FHAD1: variants seen among roughly 807,000 people sequenced by gnomAD.
The protein encoded by FHAD1 is forkhead associated phosphopeptide binding domain 1, also known as forkhead-associated domain-containing protein 1.
FHAD1 carries 146 observed loss-of-function variants against 191.3 expected under a neutral mutation model. The observed-to-expected ratio is 0.76, with a 90% confidence interval of 0.67 to 0.88. FHAD1 has a LOEUF of 0.88. Among genes scored for constraint, FHAD1 ranks in the 40% least tolerant of loss-of-function variants. The probability of loss-of-function intolerance (pLI) is 0.00; values close to 1 mark genes in which losing one functional copy is unlikely to be tolerated. For missense variants in FHAD1, 1,635 were observed against 1,785.8 expected, an observed-to-expected ratio of 0.92 and a Z score of 1.52; for synonymous variants, 616 against 672.3, an observed-to-expected ratio of 0.92 and a Z score of 1.29.
chr1:15,347,495 G>A (rs2102394102), intron 18 of FHAD1, among the ~76,000 whole-genome samples: 1 of 152,344 alleles, frequency 6.6e-6, no homozygotes, highest in Non-Finnish European at 1.5e-5. Flanking sequence ...TGTCTCCCAG[G>A]CTGGAGTGCA....
In FHAD1 at chr1:15,375,661, C is replaced by CAA; in HGVS notation, c.3637_3638dup (p.Asn1213LysfsTer20). 6.5e-7 allele frequency: 1 copy of CAA among 1,547,912 alleles called. No homozygotes were observed. Among genetic ancestry groups the CAA allele is most frequent in the Non-Finnish European group, 8.7e-7 (1 of 1,145,494 alleles). On this transcript the variant is annotated frameshift_variant, in exon 28 of 34. Coordinates refer to ENST00000688493, the MANE Select transcript of FHAD1 (RefSeq NM_001391957.1). LOFTEE classifies it high-confidence loss of function. ...ATTTAAAGAACCTCAGAATGGAAAA[C>CAA]AATGTCCAGAAAATACTACTGGATG...
rs780967217 is a variant in FHAD1 at position 15,369,515 on chromosome 1, C to T, written c.3447+13C>T. ...CAGCAGCCAAGAGGTGAGTGCCACCCACTCCTGGGTACTGGAAGGATGTGC... is the reference window on the plus strand; with the variant it reads ...CAGCAGCCAAGAGGTGAGTGCCACCTACTCCTGGGTACTGGAAGGATGTGC... On this transcript the variant is annotated intron_variant, in intron 26 of 33. Transcript: ENST00000688493. 9.0e-6 allele frequency: 14 copies of T among 1,551,676 alleles called. No individual in the cohort carries two copies. The highest frequency in any genetic ancestry group is 1.7e-6 in the Non-Finnish European group (2 of 1,146,970).
At chr1:15,298,962 A>G (rs1009721413) in intron 5 of FHAD1, among the ~76,000 whole-genome samples, 5 of 151,586 alleles carry the variant, frequency 3.3e-5, no homozygotes, top group Admixed American at 6.6e-5. Flanking sequence ...TGAGCCCAGG[A>G]GTTCAAGCCC....
chr1:15,301,483 G>A, intron 6 of FHAD1, 42 bp downstream of exon 6: 1 of 1,528,528 alleles, frequency 6.5e-7, no homozygotes, highest in East Asian at 2.5e-5. Flanking sequence ...CTCAGGCCAA[G>A]GCCCGGGAGG....
At chr1:15,335,041 G>A (rs536312178) in intron 14 of FHAD1, among the ~76,000 whole-genome samples, 32 of 152,166 alleles carry the variant, frequency 2.1e-4, no homozygotes, top group Non-Finnish European at 4.0e-4. Flanking sequence ...TAAAACACGC[G>A]TCACAAACTA....
intron 5 of FHAD1, among the ~76,000 whole-genome samples, chr1:15,299,199 C>CAAAAAAAA (rs35299485): frequency 0.03 from 1,384 of 46,318 alleles, 137 homozygotes; most frequent in African/African-American, 0.11. Context: ...GACCCTGTCT[C>CAAAAAAAA]AAAAAAAAAA....
In FHAD1 at chr1:15,349,939, C is replaced by A. The variant is rs188767455; in HGVS notation, c.2454+790C>A. On this transcript the variant is annotated intron_variant, in intron 19 of 33. Coordinates refer to ENST00000688493, the MANE Select transcript of FHAD1 (RefSeq NM_001391957.1). ...GGTCAGCCTGGACACCCAGGTCACA[C>A]CCTGGAAGTAAGAGCTGGGGGGCCA... Among the ~76,000 whole-genome samples, 159 of 152,296 alleles carry A rather than the reference C, an allele frequency of 1.0e-3. 2 individuals carry two copies. In the East Asian group the frequency reaches 0.028, roughly 27 times the overall value.
intron 19 of FHAD1, among the ~76,000 whole-genome samples, chr1:15,350,665 A>G (rs2479072): frequency 0.5 from 75,464 of 152,050 alleles, 19,157 homozygotes; most frequent in African/African-American, 0.6. Context: ...TGCCCTCTCC[A>G]TGCCCTCATC....
chr1:15,365,998 A>G (rs1696308721), intron 24 of FHAD1, 65 bp downstream of exon 24: 2 of 1,197,648 alleles, frequency 1.7e-6, no homozygotes, highest in South Asian at 2.6e-5. Flanking sequence ...AGATGAGGCT[A>G]AAGAGTCGGC....
chr1:15,321,791 G>A (rs1676371240), intron 10 of FHAD1, among the ~76,000 whole-genome samples: 1 of 152,190 alleles, frequency 6.6e-6, no homozygotes, highest in African/African-American at 2.4e-5. Flanking sequence ...GTGCATGTTT[G>A]CATGCACATG....
intron 5 of FHAD1, among the ~76,000 whole-genome samples, chr1:15,297,568 G>C (rs1446489120): frequency 1.3e-5 from 2 of 152,180 alleles, no homozygotes; most frequent in African/African-American, 4.8e-5. Context: ...AGTCAGGTTT[G>C]GATGCTCTGT....
intron 33 of FHAD1, among the ~76,000 whole-genome samples, chr1:15,391,531 A>T (rs1208021288): frequency 6.6e-6 from 1 of 152,220 alleles, no homozygotes. Context: ...AATCTTAAAC[A>T]TGTTGAATCA....
chr1:15,290,811 C>T (rs1028910125), intron 4 of FHAD1, among the ~76,000 whole-genome samples: 1 of 152,048 alleles, frequency 6.6e-6, no homozygotes, highest in Non-Finnish European at 1.5e-5. Flanking sequence ...TGGGTTCACG[C>T]CATTCTCCTG....
At chr1:15,238,676 T>A (rs1645043028) in intron 1 of FHAD1, among the ~76,000 whole-genome samples, 2 of 152,178 alleles carry the variant, frequency 1.3e-5, no homozygotes, top group Admixed American at 1.3e-4. Flanking sequence ...CCCCTGTGCC[T>A]CCTTCCCCAG....
chr1:15,332,202 A>G (rs1017276216), intron 14 of FHAD1, among the ~76,000 whole-genome samples: 4 of 152,150 alleles, frequency 2.6e-5, no homozygotes, highest in Non-Finnish European at 5.9e-5. Flanking sequence ...TGTTCTTGCA[A>G]TCAAGGCAGA....
intron 10 of FHAD1, among the ~76,000 whole-genome samples, chr1:15,320,789 T>C (rs1675991760): frequency 6.6e-6 from 1 of 152,242 alleles, no homozygotes; most frequent in Admixed American, 6.5e-5. Context: ...AGTTTGACCA[T>C]CTTTGTCTTT....
chr1:15,288,060 G>A (rs1663122215), intron 3 of FHAD1, among the ~76,000 whole-genome samples: 1 of 152,156 alleles, frequency 6.6e-6, no homozygotes, highest in South Asian at 2.1e-4. Flanking sequence ...AGACAATTGG[G>A]AGACAGAGGA....
At chr1:15,339,079 C>A (rs1685469320) in intron 14 of FHAD1, among the ~76,000 whole-genome samples, 1 of 152,196 alleles carries the variant, frequency 6.6e-6, no homozygotes, top group Non-Finnish European at 1.5e-5. Flanking sequence ...TGCAGTGGCA[C>A]AATCTGGGCT....
intron 20 of FHAD1, among the ~76,000 whole-genome samples, chr1:15,355,605 G>T (rs1466691610): frequency 6.6e-6 from 1 of 152,190 alleles, no homozygotes; most frequent in East Asian, 1.9e-4. Flanking sequence ...AACAATTGCA[G>T]TTTGTTGTGA....
Sources: gnomAD v4.1 joint callset for allele counts (sites outside exome capture counted in the v4.1 genomes callset) on GRCh38, gnomAD v4.1.1 for gene constraint, MANE v1.5 for transcripts, NCBI Gene and HGNC (gene_info 2026-07-23, HGNC 2026-07-21) for gene names.